Variants in SLCO3A1 observed in about 807,000 individuals in gnomAD.
The protein encoded by SLCO3A1 is solute carrier organic anion transporter family member 3A1, also known as PGE1 transporter.
A neutral mutation model predicts 63.1 loss-of-function variants in SLCO3A1; 27 were observed. The observed-to-expected ratio is 0.43, with a 90% CI of 0.32 to 0.59. The LOEUF is 0.59. Among genes scored for constraint, SLCO3A1 ranks in the 20% least tolerant of loss-of-function variants. SLCO3A1 has a pLI of 0.09. For synonymous variants in SLCO3A1, 473 were observed against 409.9 expected, an observed-to-expected ratio of 1.15 and a Z score of -1.86; for missense variants, 773 against 945.8, an observed-to-expected ratio of 0.82 and a Z score of 2.40.
intron 2 of SLCO3A1, among the ~76,000 whole-genome samples, chr15:92,004,919 C>G (rs1029278589): frequency 2.0e-5 from 3 of 152,194 alleles, no homozygotes; most frequent in African/African-American, 7.2e-5. Context: ...GTCTATGGCT[C>G]TAAGCTCTGA....
At chr15:91,922,356 G>C (rs530745708) in intron 2 of SLCO3A1, among the ~76,000 whole-genome samples, 3 of 152,162 alleles carry the variant, frequency 2.0e-5, no homozygotes, top group Non-Finnish European at 2.9e-5. Context: ...GGAGGCACAC[G>C]TATTAGACAC....
chr15:91,996,597 G>A (rs1355611949), intron 2 of SLCO3A1, among the ~76,000 whole-genome samples: 1 of 152,046 alleles, frequency 6.6e-6, no homozygotes, highest in African/African-American at 2.4e-5. Context: ...TAGTTATCAG[G>A]ATTAAAAATT....
At chr15:92,152,358 G>C (rs2048317281) in intron 9 of SLCO3A1, among the ~76,000 whole-genome samples, 1 of 152,206 alleles carries the variant, frequency 6.6e-6, no homozygotes, top group African/African-American at 2.4e-5. Context: ...CTCTGTGCCT[G>C]GTAGAAGACC....
In SLCO3A1 at chr15:91,974,654, A is replaced by G. The variant is rs116591644; in HGVS notation, c.646+58196A>G. Among the ~76,000 whole-genome samples, 248 of 152,284 alleles carry G rather than the reference A, an allele frequency of 1.6e-3. 1 individual carries two copies. Among genetic ancestry groups the G allele is most frequent in the African/African-American group, 5.7e-3 (238 of 41,558 alleles). On this transcript the variant is annotated intron_variant, in intron 2 of 9. Transcript: ENST00000318445. The stretch of plus-strand genomic sequence containing the variant: ...AGGGGAAGACCACAGGGAACTCCCC[A>G]GGGAGCAGAGAATTGGGTGCCTCCT...
chr15:92,009,181 A>G (rs2046343778), intron 2 of SLCO3A1, among the ~76,000 whole-genome samples: 2 of 152,140 alleles, frequency 1.3e-5, no homozygotes, highest in African/African-American at 4.8e-5. Context: ...CCGTCCCCTG[A>G]GTTACAGTTG....
At chr15:92,098,551 C>T (rs1000247669) in intron 3 of SLCO3A1, among the ~76,000 whole-genome samples, 9 of 152,198 alleles carry the variant, frequency 5.9e-5, no homozygotes, top group African/African-American at 2.2e-4. Context: ...CATATCTAAT[C>T]ACTGCCTTGG....
intron 2 of SLCO3A1, among the ~76,000 whole-genome samples, chr15:92,019,742 G>A (rs888699128): frequency 5.3e-5 from 8 of 152,176 alleles, no homozygotes; most frequent in South Asian, 2.1e-4. Flanking sequence ...CCCTTTTCCC[G>A]AGGATGAACT....
At chr15:92,169,858 C>T (rs2048512086), downstream of SLCO3A1, among the ~76,000 whole-genome samples, 1 of 152,206 alleles carries the variant, frequency 6.6e-6, no homozygotes, top group Non-Finnish European at 1.5e-5. Context: ...GCACTGGCCA[C>T]CCTAGCTTGC....
At chr15:92,168,611 A>G (rs915998343), downstream of SLCO3A1, among the ~76,000 whole-genome samples, 2 of 152,194 alleles carry the variant, frequency 1.3e-5, no homozygotes, top group Non-Finnish European at 2.9e-5. Context: ...GGCTGAGCAT[A>G]GGTGAGGCAG....
chr15:92,135,615 A>G (rs1219301255), intron 7 of SLCO3A1, among the ~76,000 whole-genome samples: 1 of 152,226 alleles, frequency 6.6e-6, no homozygotes, highest in African/African-American at 2.4e-5. Flanking sequence ...CTAAGCTACA[A>G]AAAGACAGTA....
At chr15:91,915,633 G>A (rs1366333472) in intron 1 of SLCO3A1, among the ~76,000 whole-genome samples, 2 of 152,000 alleles carry the variant, frequency 1.3e-5, no homozygotes, top group South Asian at 2.1e-4. Context: ...TGCAAACCGC[G>A]CACTTCAGGA....
intron 2 of SLCO3A1, among the ~76,000 whole-genome samples, chr15:92,028,178 G>T (rs1035749966): frequency 6.6e-6 from 1 of 152,164 alleles, no homozygotes; most frequent in African/African-American, 2.4e-5. Context: ...GGGGAGGCTG[G>T]TCGGTCGTAT....
intron 5 of SLCO3A1, among the ~76,000 whole-genome samples, chr15:92,124,937 G>A (rs1292095478): frequency 6.6e-6 from 1 of 152,158 alleles, no homozygotes; most frequent in Non-Finnish European, 1.5e-5. Context: ...GCAGTGCGGT[G>A]CAGGATGAGG....
intron 2 of SLCO3A1, among the ~76,000 whole-genome samples, chr15:92,065,858 A>T (rs1371697629): frequency 6.6e-6 from 1 of 152,242 alleles, no homozygotes; most frequent in Non-Finnish European, 1.5e-5. Flanking sequence ...AGAAGAAGTT[A>T]TGTGCTGGTC....
rs79076381 is a variant in SLCO3A1 at position 92,147,170 on chromosome 15, G to A, written c.1688+11G>A. ...CATCATCCTCATCAGGTAAGCCCTC[G>A]GCACAGCCCCGCCTCTCCTCCTTTC... On this transcript the variant is annotated intron_variant, in intron 8 of 9. Coordinates refer to ENST00000318445, the MANE Select transcript of SLCO3A1 (RefSeq NM_013272.4). The A allele has an allele frequency of 3.4e-5, 54 of 1,603,090 alleles. No homozygotes were observed. In the Admixed American group the frequency reaches 3.5e-4, roughly 11 times the overall value.
intron 7 of SLCO3A1, among the ~76,000 whole-genome samples, chr15:92,146,269 C>G (rs987226262): frequency 6.6e-6 from 1 of 152,218 alleles, no homozygotes; most frequent in African/African-American, 2.4e-5. Context: ...CTGCAACAGG[C>G]AGCTGGGCTA....
At chr15:92,110,444 A>T (rs2047714777) in intron 4 of SLCO3A1, among the ~76,000 whole-genome samples, 2 of 151,922 alleles carry the variant, frequency 1.3e-5, no homozygotes. Context: ...AGTCCCTCCA[A>T]ACCCTTCTCA....
intron 5 of SLCO3A1, among the ~76,000 whole-genome samples, chr15:92,124,878 TG>T (rs890979497): frequency 2.6e-5 from 4 of 152,064 alleles, no homozygotes; most frequent in Non-Finnish European, 4.4e-5. Context: ...CAGAACTGTT[TG>T]GCCTGTCCTA....
At chr15:92,068,858 G>GACAC (rs2047182004) in intron 2 of SLCO3A1, among the ~76,000 whole-genome samples, 1 of 152,194 alleles carries the variant, frequency 6.6e-6, no homozygotes, top group Non-Finnish European at 1.5e-5. Context: ...ACTCACAGCT[G>GACAC]TGTGACACTG....
Sources: gnomAD v4.1 joint callset for allele counts (sites outside exome capture counted in the v4.1 genomes callset) on GRCh38, gnomAD v4.1.1 for gene constraint, MANE v1.5 for transcripts, NCBI Gene and HGNC (gene_info 2026-07-23, HGNC 2026-07-21) for gene names.